Variants in C16orf78 observed in about 807,000 individuals in gnomAD.
C16orf78 encodes uncharacterized protein C16orf78.
A neutral mutation model predicts 27.3 loss-of-function variants in C16orf78; 19 were observed. The ratio of observed to expected loss-of-function variants is 0.70; its 90% CI spans 0.49 to 1.02. The LOEUF is 1.02. C16orf78 is among the 50% of genes least tolerant of loss of function. The pLI is 0.00. For synonymous variants in C16orf78, 130 were observed against 116.1 expected (o/e 1.12, Z -0.77); for missense variants, 339 against 337.0 (o/e 1.01, Z -0.05).
intron 1 of C16orf78, among the ~76,000 whole-genome samples, chr16:49,374,921 TCTCCTGA>T (rs1420792923): frequency 6.6e-6 from 1 of 152,152 alleles, no homozygotes. Context: ...TGGTCTTGAA[TCTCCTGA>T]CCCTAGAGCA....
intron 1 of C16orf78, among the ~76,000 whole-genome samples, chr16:49,376,817 A>G (rs539320980): frequency 3.9e-5 from 6 of 152,242 alleles, no homozygotes; most frequent in African/African-American, 1.2e-4. Flanking sequence ...AGCCACAGAG[A>G]GAGCAGAAAC....
intron 3 of C16orf78, among the ~76,000 whole-genome samples, chr16:49,382,133 A>G (rs1965293397): frequency 6.6e-6 from 1 of 152,192 alleles, no homozygotes; most frequent in Non-Finnish European, 1.5e-5. Flanking sequence ...ATGAAATTGG[A>G]AATCATCATT....
At chr16:49,396,320 G>A (rs1366301238) in intron 3 of C16orf78, 103 bp from the exon 4 acceptor site, 2 of 1,346,390 alleles carry the variant, frequency 1.5e-6, no homozygotes, top group East Asian at 4.6e-5. Context: ...AACAGGTACG[G>A]TTTGAAGTCC....
intron 3 of C16orf78, among the ~76,000 whole-genome samples, chr16:49,395,939 A>C (rs1340334996): frequency 6.6e-6 from 1 of 152,062 alleles, no homozygotes; most frequent in Non-Finnish European, 1.5e-5. Flanking sequence ...AAAGGATTGA[A>C]CAAATAAAGA....
At chr16:49,378,671 G>T (rs539871200) in intron 3 of C16orf78, 78 bp downstream of exon 3, 7 of 1,585,662 alleles carry the variant, frequency 4.4e-6, no homozygotes, top group African/African-American at 4.1e-5. Flanking sequence ...GAAAGCTCAC[G>T]CCATTCTTAG....
chr16:49,396,701 C>G, intron 4 of C16orf78, 23 bp downstream of exon 4: 1 of 1,599,040 alleles, frequency 6.3e-7, no homozygotes. Flanking sequence ...ACCCCCTGGG[C>G]AGATGGGGTG....
chr16:49,384,828 C>T (rs1243989617), intron 3 of C16orf78, among the ~76,000 whole-genome samples: 1 of 152,108 alleles, frequency 6.6e-6, no homozygotes, highest in East Asian at 1.9e-4. Context: ...CAAGGAAACC[C>T]CCACAAGACT....
intron 4 of C16orf78, among the ~76,000 whole-genome samples, chr16:49,398,040 C>G (rs1965495545): frequency 6.6e-6 from 1 of 152,188 alleles, no homozygotes; most frequent in Non-Finnish European, 1.5e-5. Context: ...TGCTGGATTA[C>G]AGATGTGAGC....
intron 3 of C16orf78, among the ~76,000 whole-genome samples, chr16:49,383,279 G>A (rs1488652551): frequency 6.6e-6 from 1 of 152,190 alleles, no homozygotes; most frequent in Non-Finnish European, 1.5e-5. Context: ...ACTGGCAAGA[G>A]GACTAAAATG....
chr16:49,387,243 GTA>G (rs1381938934), intron 3 of C16orf78, among the ~76,000 whole-genome samples: 17 of 152,198 alleles, frequency 1.1e-4, no homozygotes, highest in Non-Finnish European at 5.9e-5. Flanking sequence ...CTGCATGTAT[GTA>G]TGTCTTCTTT....
rs1432833206 is a variant in C16orf78, at chr16:49,377,860, C to T, written c.270+10C>T. On this transcript the variant is annotated intron_variant, in intron 2 of 4. Transcript: ENST00000299191. ...GGAGACTTCCCAGCAGGTAATGCAGCCCCTCTTCCCCCACTCACCCCCACT... is the reference window on the plus strand; with the variant it reads ...GGAGACTTCCCAGCAGGTAATGCAGTCCCTCTTCCCCCACTCACCCCCACT... 6.4e-7 allele frequency: 1 copy of T among 1,560,702 alleles called. No homozygotes were observed. The highest frequency in any genetic ancestry group is 1.9e-5 in the Admixed American group (1 of 52,456).
intron 1 of C16orf78, among the ~76,000 whole-genome samples, chr16:49,374,588 AG>A (rs1965192257): frequency 6.6e-6 from 1 of 152,232 alleles, no homozygotes; most frequent in South Asian, 2.1e-4. Context: ...GAATTCTAGA[AG>A]GGCCAAGGGG....
intron 3 of C16orf78, among the ~76,000 whole-genome samples, chr16:49,380,556 T>C (rs911104793): frequency 7.9e-5 from 12 of 152,294 alleles, no homozygotes; most frequent in Non-Finnish European, 1.2e-4. Flanking sequence ...CTGAAACCTC[T>C]CACACGAAGT....
Position 49,396,470 on chromosome 16 carries a change from A to T in C16orf78, c.442A>T (p.Asn148Tyr). ...AVDPESTQRPNPFRRQSIVLD... is the reference protein window; with the variant it reads ...AVDPESTQRPYPFRRQSIVLD... ...CGACCCAGAGTCCACTCAGCGGCCA[A>T]ACCCATTCCGTCGACAAAGCATTGT... Residue 148 changes from asparagine to tyrosine, a missense_variant, in exon 4 of 5, where the codon AAC becomes TAC. Transcript: ENST00000299191. 2 of 1,614,176 alleles carry T rather than the reference A, an allele frequency of 1.2e-6. No homozygotes were observed. Among genetic ancestry groups the T allele is most frequent in the Non-Finnish European group, 1.7e-6 (2 of 1,180,028 alleles).
intron 4 of C16orf78, among the ~76,000 whole-genome samples, chr16:49,397,420 T>A (rs1440292426): frequency 1.3e-5 from 2 of 152,238 alleles, no homozygotes; most frequent in African/African-American, 4.8e-5. Context: ...TGGCCTCAAA[T>A]GTCTGGCAAT....
chr16:49,398,853 C>T (rs141815468), intron 4 of C16orf78, among the ~76,000 whole-genome samples: 2 of 152,234 alleles, frequency 1.3e-5, no homozygotes, highest in Non-Finnish European at 2.9e-5. Context: ...TGGGATATAT[C>T]GAGGACCTGA....
intron 3 of C16orf78, among the ~76,000 whole-genome samples, chr16:49,383,918 T>C (rs72776777): frequency 0.087 from 13,218 of 152,308 alleles, 798 homozygotes; most frequent in South Asian, 0.16. Context: ...TGCAGCTCTA[T>C]GAATTGACTG....
intron 3 of C16orf78, among the ~76,000 whole-genome samples, chr16:49,381,436 T>C (rs1314378148): frequency 6.6e-6 from 1 of 152,128 alleles, no homozygotes; most frequent in African/African-American, 2.4e-5. Flanking sequence ...TCTCTGTTTG[T>C]CTGTGCACAG....
chr16:49,376,560 AC>A (rs1965220818), intron 1 of C16orf78, among the ~76,000 whole-genome samples: 1 of 151,970 alleles, frequency 6.6e-6, no homozygotes, highest in Non-Finnish European at 1.5e-5. Context: ...ACCAAACAAA[AC>A]CCTAAAGCTA....
Sources: gnomAD v4.1 joint callset for allele counts (sites outside exome capture counted in the v4.1 genomes callset) on GRCh38, gnomAD v4.1.1 for gene constraint, MANE v1.5 for transcripts, NCBI Gene and HGNC (gene_info 2026-07-23, HGNC 2026-07-21) for gene names.